Variants in OAS3 observed in about 807,000 individuals in gnomAD.
The protein encoded by OAS3 is 2'-5'-oligoadenylate synthase 3.
A neutral mutation model predicts 113.0 loss-of-function variants in OAS3; 107 were observed. That is an observed-to-expected ratio of 0.95 (90% confidence interval 0.81 to 1.11). OAS3 has a LOEUF of 1.11. Ranked by LOEUF, OAS3 falls within the 50% of genes most tolerant of loss-of-function variation. The pLI, the probability that OAS3 is intolerant of heterozygous loss-of-function variation, is 0.00. For synonymous variants in OAS3, 552 were observed against 573.6 expected, an observed-to-expected ratio of 0.96 and a Z score of 0.54; for missense variants, 1,258 against 1,389.1, an observed-to-expected ratio of 0.91 and a Z score of 1.50.
Position 112,961,233 on chromosome 12 carries a change from A to T in OAS3, c.1820A>T (p.His607Leu), listed in dbSNP as rs756627070. The T allele has an allele frequency of 1.2e-6, 2 of 1,613,972 alleles. No individual in the cohort carries two copies. The highest frequency in any genetic ancestry group is 1.7e-6 in the Non-Finnish European group (2 of 1,179,872). Residue 607 changes from histidine (H) to leucine (L), a missense_variant, in exon 8 of 16, where the codon CAC becomes CTC. Coordinates refer to ENST00000228928, the MANE Select transcript of OAS3 (RefSeq NM_006187.4). ...KLKNLILLVK[H>L]WYRQVAAQNK... is the part of the protein sequence containing the mutation. The stretch of plus-strand genomic sequence containing the variant: ...AAGAACCTGATTCTGCTGGTGAAGC[A>T]CTGGTACCGCCAGGTGAGTTGCCCC...
In OAS3 at chr12:112,948,093, G is replaced by A. The variant is rs1429135588; in HGVS notation, c.1023G>A (p.Lys341=). The change falls in exon 5 of 16, where the codon AAG becomes AAA. Residue 341 remains lysine (K), a synonymous_variant. Coordinates refer to ENST00000228928, the MANE Select transcript of OAS3 (RefSeq NM_006187.4). ...RGMGDPVQSW[K]GPGLPRAGCS... ...TGGGGGACCCAGTGCAGTCTTGGAA[G>A]GGGCCGGTAAGTGAGGGGGCCCCAG... The A allele has an allele frequency of 6.5e-7, 1 of 1,531,414 alleles. No homozygotes were observed. Among genetic ancestry groups the A allele is most frequent in the Non-Finnish European group, 8.8e-7 (1 of 1,141,048 alleles). The allele number at this position is 1,531,414 out of a possible 1,614,324, so 94.9% of individuals were successfully genotyped here. A position where few individuals can be genotyped will look rare whatever the true frequency, so the allele number is the denominator to read the frequency against.
chr12:112,953,564 C>T (rs71465869), intron 7 of OAS3, among the ~76,000 whole-genome samples: 18,630 of 152,176 alleles, frequency 0.12, 1,253 homozygotes, highest in Middle Eastern at 0.18. Flanking sequence ...AATCACCACA[C>T]TGTCTTCCAC....
At chr12:112,960,718 C>A (rs2043875051) in intron 7 of OAS3, among the ~76,000 whole-genome samples, 1 of 152,120 alleles carries the variant, frequency 6.6e-6, no homozygotes, top group Non-Finnish European at 1.5e-5. Flanking sequence ...TGAACCCAGG[C>A]TTATCTGTCT....
chr12:112,939,336 T>G (rs2043659511), intron 1 of OAS3, among the ~76,000 whole-genome samples: 2 of 59,394 alleles, frequency 3.4e-5, no homozygotes, highest in South Asian at 6.1e-4. Flanking sequence ...TTTTTTTTTT[T>G]TGAGACAGGG....
intron 5 of OAS3, among the ~76,000 whole-genome samples, chr12:112,948,582 G>A (rs556989442): frequency 2.0e-5 from 3 of 150,972 alleles, no homozygotes; most frequent in Non-Finnish European, 4.4e-5. Flanking sequence ...GAAACTGCCC[G>A]GGGGAAGGAG....
chr12:112,963,340 C>T lies in OAS3; in HGVS notation c.2112C>T (p.Pro704=). ...CCCTGGTCCTGGACCCCGCTGATCCCACCTGGAACGTGGGCCACGGTAGCT... is the reference window on the plus strand; with the variant it reads ...CCCTGGTCCTGGACCCCGCTGATCCTACCTGGAACGTGGGCCACGGTAGCT... ...PRPLVLDPAD[P]TWNVGHGSWE... is the part of the protein sequence containing the mutation. Residue 704 remains proline, a synonymous_variant, in exon 10 of 16, where the codon CCC becomes CCT. Transcript: ENST00000228928. The surrounding 1 kb of genome is among the most constrained non-coding windows in gnomAD (Gnocchi z 4.6). The T allele has an allele frequency of 6.4e-7, 1 of 1,573,552 alleles. No individual in the cohort carries two copies. The highest frequency in any genetic ancestry group is 8.6e-7 in the Non-Finnish European group (1 of 1,159,008).
In OAS3 at chr12:112,946,915, C is replaced by G. The variant is rs769555714; in HGVS notation, c.809C>G (p.Thr270Ser). The change falls in exon 4 of 16, where the codon ACT becomes AGT. Residue 270 changes from threonine to serine, a missense_variant. Transcript: ENST00000228928. ...CATCAGCACCTGTGTGTTTTCTGGA[C>G]TGTCAACTATGGCTTCGAGGACCCT... ...QQHQHLCVFW[T>S]VNYGFEDPAV... 1.9e-6 allele frequency: 3 copies of G among 1,614,086 alleles called. No homozygotes were observed. Among genetic ancestry groups the G allele is most frequent in the South Asian group, 1.1e-5 (1 of 91,088 alleles).
chr12:112,941,708 G>C lies in OAS3; in HGVS notation c.316G>C (p.Glu106Gln). The change falls in exon 2 of 16, where the codon GAA becomes CAA. Residue 106 changes from glutamate to glutamine, a missense_variant. Transcript: ENST00000228928. ...EILSEMRASL[E>Q]SWWQNPVPGL... The stretch of plus-strand genomic sequence containing the variant: ...CCTCAGTGAGATGCGGGCATCGCTG[G>C]AATCCTGGTGGCAGAACCCAGTCCC... 1 of 1,614,052 alleles carries C rather than the reference G, an allele frequency of 6.2e-7. No individual in the cohort carries two copies. Among genetic ancestry groups the C allele is most frequent in the Non-Finnish European group, 8.5e-7 (1 of 1,179,904 alleles).
chr12:112,967,627 G>T lies in OAS3; in HGVS notation c.2865+34G>T, dbSNP rs770071743. ...CATGGATAGGCCACCTTCCTAAGTT[G>T]CCCTGGGATCTGCCTCTGGAGCACT... is the stretch of plus-strand genomic sequence containing the variant. On this transcript the variant is annotated intron_variant, in intron 13 of 15. Coordinates refer to ENST00000228928, the MANE Select transcript of OAS3 (RefSeq NM_006187.4). 4.4e-6 allele frequency: 7 copies of T among 1,597,302 alleles called. No individual in the cohort carries two copies. The East Asian group carries it at 1.4e-4, about 31-fold the overall frequency.
At position 112,946,854 on chromosome 12, in the gene OAS3, G is replaced by T. The variant is rs540679155; in HGVS notation, c.748G>T (p.Glu250Ter). The T allele has an allele frequency of 1.9e-6, 3 of 1,613,984 alleles. No individual in the cohort carries two copies. Among genetic ancestry groups the T allele is most frequent in the South Asian group, 1.1e-5 (1 of 91,078 alleles). ...TAAGAAGGATGCTTTCAGCCTAGCC[G>T]AAGGCCTCCGAACTGTCCTGGGCCT... ...GCKKDAFSLA[E>*]GLRTVLGLIQ... is the part of the protein sequence containing the mutation. The change falls in exon 4 of 16, where the codon GAA becomes TAA. Residue 250 changes from glutamate (E) to a stop codon, truncating the protein, a stop_gained. Transcript: ENST00000228928. LOFTEE classifies it high-confidence loss of function.
intron 3 of OAS3, among the ~76,000 whole-genome samples, chr12:112,946,040 G>T (rs567902500): frequency 2.0e-5 from 3 of 152,136 alleles, no homozygotes; most frequent in Non-Finnish European, 1.5e-5. Context: ...CTGGTTGGGC[G>T]TTAGAAATTC....
Position 112,938,482 on chromosome 12 carries a change from G to A in OAS3, c.-49G>A, listed in dbSNP as rs1467778811. 1.3e-6 allele frequency: 2 copies of A among 1,488,090 alleles called. No homozygotes were observed. The highest frequency in any genetic ancestry group is 1.3e-5 in the South Asian group (1 of 77,400). 92.2% of individuals were successfully genotyped at this position (1,488,090 alleles called of 1,614,324 possible). On this transcript the variant is annotated 5_prime_UTR_variant, in exon 1 of 16. Coordinates refer to ENST00000228928, the MANE Select transcript of OAS3 (RefSeq NM_006187.4). ...GGCGGGAAAACGAAACCAGAAATCC[G>A]AAGGCCGCGCCAGAGCCCTGCTTCC... is the stretch of plus-strand genomic sequence containing the variant.
intron 2 of OAS3, 83 bp downstream of exon 2, chr12:112,941,935 C>T: frequency 6.3e-7 from 1 of 1,577,512 alleles, no homozygotes; most frequent in Non-Finnish European, 8.7e-7. Context: ...AGCCCAGCCA[C>T]CAACTTGCTG....
Position 112,949,172 on chromosome 12 carries a change from G to GAACTGTGTTC in OAS3, c.1343_1352dup (p.His451GlnfsTer11), listed in dbSNP as rs1565976644. 1 of 1,613,176 alleles carries GAACTGTGTTC rather than the reference G, an allele frequency of 6.2e-7. No homozygotes were observed. The highest frequency in any genetic ancestry group is 1.1e-5 in the South Asian group (1 of 91,068). ...ACATCATCTTGCGCTGCCTCCATGA[G>GAACTGTGTTC]AACTGTGTTCACAAGGCCTCAAGAG... On this transcript the variant is annotated frameshift_variant, in exon 6 of 16. Transcript: ENST00000228928. LOFTEE classifies it high-confidence loss of function.
At chr12:112,962,948 C>T in intron 9 of OAS3, 46 bp downstream of exon 9, 4 of 1,604,392 alleles carry the variant, frequency 2.5e-6, no homozygotes, top group Non-Finnish European at 3.4e-6. Context: ...CCTCCCCCTC[C>T]CCACTGTCAC....
At chr12:112,943,194 C>T (rs2043695657) in intron 2 of OAS3, among the ~76,000 whole-genome samples, 1 of 152,112 alleles carries the variant, frequency 6.6e-6, no homozygotes, top group Non-Finnish European at 1.5e-5. Flanking sequence ...CTCAGCCTCC[C>T]AAAGTGCTAG....
At position 112,963,661 on chromosome 12, in the gene OAS3, A is replaced by G. The variant is rs568026362; in HGVS notation, c.2229+204A>G. 2.6e-5 allele frequency among the ~76,000 whole-genome samples: 4 copies of G among 152,284 alleles called. No individual in the cohort carries two copies. The highest frequency in any genetic ancestry group is 3.9e-4 in the East Asian group (2 of 5,188). On this transcript the variant is annotated intron_variant, in intron 10 of 15. Transcript: ENST00000228928. The surrounding 1 kb of genome is among the most constrained non-coding windows in gnomAD (Gnocchi z 4.6). ...AGTGCCTGAGTGACACAGGGTTACA[A>G]AAAGCCTAACTCTGTCTCCAGGCGG...
chr12:112,964,240 C>A lies in OAS3; in HGVS notation c.2235C>A (p.Ala745=). ...CACCTGGATTCTCTCTGCAGCCAGC[C>A]CTCCTTTACCAAACCCCAGCTGGGG... ...TSVQPWDVMP[A]LLYQTPAGDL... The change falls in exon 11 of 16, where the codon GCC becomes GCA. Residue 745 remains alanine, a synonymous_variant. Coordinates refer to ENST00000228928, the MANE Select transcript of OAS3 (RefSeq NM_006187.4). The A allele has an allele frequency of 6.3e-7, 1 of 1,587,902 alleles. No homozygotes were observed. The highest frequency in any genetic ancestry group is 2.3e-5 in the East Asian group (1 of 43,530).
intron 8 of OAS3, among the ~76,000 whole-genome samples, chr12:112,961,937 A>G (rs1593183231): frequency 1.3e-5 from 2 of 152,256 alleles, no homozygotes; most frequent in East Asian, 3.9e-4. Flanking sequence ...CTAAGACTAC[A>G]GGCATGCACT....
Sources: gnomAD v4.1 joint callset for allele counts (sites outside exome capture counted in the v4.1 genomes callset) on GRCh38, gnomAD v4.1.1 for gene constraint, Gnocchi (gnomAD v3.1) non-coding constraint, MANE v1.5 for transcripts, NCBI Gene and HGNC (gene_info 2026-07-23, HGNC 2026-07-21) for gene names.